TNFRSF21: variants seen among roughly 807,000 people sequenced by gnomAD.
TNFRSF21 encodes TNF receptor superfamily member 21.
A neutral mutation model predicts 45.6 loss-of-function variants in TNFRSF21; 19 were observed. The observed-to-expected ratio is 0.42, with a 90% CI of 0.29 to 0.61. TNFRSF21 has a LOEUF of 0.61. Ranked by LOEUF, TNFRSF21 falls within the 20% of genes least tolerant of loss-of-function variation. The pLI is 0.23. For synonymous variants in TNFRSF21, 314 were observed against 335.5 expected, an observed-to-expected ratio of 0.94 and a Z score of 0.70; for missense variants, 737 against 851.5, an observed-to-expected ratio of 0.87 and a Z score of 1.67.
chr6:47,280,131 G>A (rs2113861747), intron 3 of TNFRSF21, among the ~76,000 whole-genome samples: 1 of 152,278 alleles, frequency 6.6e-6, no homozygotes, highest in Non-Finnish European at 1.5e-5. Context: ...TTCAAAGTTT[G>A]GAGGATGTAT....
rs1259712206 is a variant in TNFRSF21 at position 47,232,392 on chromosome 6, C to CA, written c.*372dup. ...TCACAATCCAGTGTGTGGGAAAAGT[C>CA]ACACTGCATTTATGGTAAGTTAAGT... On this transcript the variant is annotated 3_prime_UTR_variant, in exon 6 of 6. Coordinates refer to ENST00000296861, the MANE Select transcript of TNFRSF21 (RefSeq NM_014452.5). 1 of 182,554 alleles carries CA rather than the reference C, an allele frequency of 5.5e-6. No individual in the cohort carries two copies. The highest frequency in any genetic ancestry group is 1.2e-5 in the Non-Finnish European group (1 of 86,888). 11.3% of individuals were successfully genotyped at this position (182,554 alleles called of 1,614,324 possible). A position where few individuals can be genotyped will look rare whatever the true frequency, so the allele number is the denominator to read the frequency against.
intron 3 of TNFRSF21, among the ~76,000 whole-genome samples, chr6:47,272,691 C>T (rs998301433): frequency 6.6e-6 from 1 of 152,066 alleles, no homozygotes; most frequent in African/African-American, 2.4e-5. Flanking sequence ...GAGATAAAGA[C>T]ACAAAGAACC....
chr6:47,245,143 T>C (rs1764804489), intron 4 of TNFRSF21, among the ~76,000 whole-genome samples: 1 of 152,180 alleles, frequency 6.6e-6, no homozygotes, highest in Admixed American at 6.5e-5. Context: ...AGACCCAGCC[T>C]TTTCTGAATG....
Position 47,286,264 on chromosome 6 carries a change from G to C in TNFRSF21, c.428C>G (p.Thr143Ser). 6.2e-7 allele frequency: 1 copy of C among 1,614,214 alleles called. No individual in the cohort carries two copies. The highest frequency in any genetic ancestry group is 1.1e-5 in the South Asian group (1 of 91,058). The change falls in exon 2 of 6, where the codon ACC becomes AGC. Residue 143 changes from threonine to serine, a missense_variant. Transcript: ENST00000296861. ...CPPGMFQSNA[T>S]CAPHTVCPVG... The stretch of plus-strand genomic sequence containing the variant: ...AGGACACACCGTATGGGGGGCACAG[G>C]TAGCGTTAGACTGGAACATGCCAGG...
rs546384499 is a variant in TNFRSF21, at chr6:47,267,920, T to C, written c.1244-14399A>G. 1.3e-4 allele frequency among the ~76,000 whole-genome samples: 20 copies of C among 152,318 alleles called. No homozygotes were observed. The East Asian group carries it at 3.7e-3, about 28-fold the overall frequency. Reference sequence around the variant, plus strand: ...TTTGAATATAAATATCTTGAATATGTCTCTCCATCAACCCCCACTCCTCAT... The same window carrying C: ...TTTGAATATAAATATCTTGAATATGCCTCTCCATCAACCCCCACTCCTCAT... On this transcript the variant is annotated intron_variant, in intron 3 of 5. Transcript: ENST00000296861.
chr6:47,272,757 G>A (rs1456514367), intron 3 of TNFRSF21, among the ~76,000 whole-genome samples: 5 of 151,878 alleles, frequency 3.3e-5, no homozygotes, highest in African/African-American at 9.7e-5. Flanking sequence ...AATAAAATTG[G>A]TAGACCATTA....
At chr6:47,308,663 G>A (rs990800876) in intron 1 of TNFRSF21, among the ~76,000 whole-genome samples, 38 of 152,370 alleles carry the variant, frequency 2.5e-4, no homozygotes, top group African/African-American at 8.9e-4. Context: ...CGGAAAGACT[G>A]TAGAAAATTC....
At chr6:47,294,801 A>T (rs745743747) in intron 1 of TNFRSF21, among the ~76,000 whole-genome samples, 1 of 152,064 alleles carries the variant, frequency 6.6e-6, no homozygotes, top group African/African-American at 2.4e-5. Context: ...AAAGTGCTGG[A>T]ATTATAGGCA....
At chr6:47,254,681 A>G (rs955089430) in intron 3 of TNFRSF21, among the ~76,000 whole-genome samples, 1 of 152,216 alleles carries the variant, frequency 6.6e-6, no homozygotes, top group Non-Finnish European at 1.5e-5. Context: ...CCTGAAGAAC[A>G]CCTAAGTTGT....
At position 47,286,479 on chromosome 6, in the gene TNFRSF21, T is replaced by A; in HGVS notation, c.213A>T (p.Pro71=). 1 of 1,614,254 alleles carries A rather than the reference T, an allele frequency of 6.2e-7. No homozygotes were observed. The highest frequency in any genetic ancestry group is 1.1e-5 in the South Asian group (1 of 91,086). Residue 71 remains proline, a synonymous_variant, in exon 2 of 6, where the codon CCA becomes CCT. Transcript: ENST00000296861. ...TGQVLTCDKC[P]AGTYVSEHCT... ...AATGCTCAGAGACATAGGTTCCTGC[T>A]GGACACTTGTCACAGGTTAGCACCT...
At chr6:47,284,550 G>A in intron 2 of TNFRSF21, 118 bp from the exon 3 acceptor site, 1 of 1,190,738 alleles carries the variant, frequency 8.4e-7, no homozygotes, top group Non-Finnish European at 1.1e-6. Flanking sequence ...GATGACCCTT[G>A]GGGCTTAAGA....
chr6:47,293,194 T>C (rs1475030030), intron 1 of TNFRSF21, among the ~76,000 whole-genome samples: 1 of 152,210 alleles, frequency 6.6e-6, no homozygotes, highest in Non-Finnish European at 1.5e-5. Flanking sequence ...TGTATATACT[T>C]ATCTTCCCAT....
At chr6:47,300,864 C>T (rs1394358353) in intron 1 of TNFRSF21, among the ~76,000 whole-genome samples, 2 of 152,072 alleles carry the variant, frequency 1.3e-5, no homozygotes, top group African/African-American at 4.8e-5. Context: ...TCTAGCAATG[C>T]CTGACATTTA....
Position 47,286,143 on chromosome 6 carries a change from C to T in TNFRSF21, c.549G>A (p.Val183=), listed in dbSNP as rs1179471035. Residue 183 remains valine (V), a synonymous_variant, in exon 2 of 6, where the codon GTG becomes GTA. Transcript: ENST00000296861. ...AGTCTGTGTATGCTTTGCATTTCAT[C>T]ACACTAGAAGGCACATCTGAGAAGG... The part of the protein sequence containing the change: ...RGTFSDVPSS[V]MKCKAYTDCL... The T allele has an allele frequency of 6.2e-7, 1 of 1,614,212 alleles. No homozygotes were observed.
At position 47,253,346 on chromosome 6, in the gene TNFRSF21, G is replaced by A; in HGVS notation, c.1419C>T (p.Ala473=). ...LQHWTIRGPE[A]SLAQLISALR... ...GGGCGCTAATTAGCTGGGCGAGGCT[G>A]GCCTCGGGGCCCCGGATGGTCCAGT... is the stretch of plus-strand genomic sequence containing the variant. The change falls in exon 4 of 6, where the codon GCC becomes GCT. Residue 473 remains alanine, a synonymous_variant. Coordinates refer to ENST00000296861, the MANE Select transcript of TNFRSF21 (RefSeq NM_014452.5). The A allele has an allele frequency of 6.2e-7, 1 of 1,614,066 alleles. No individual in the cohort carries two copies. The highest frequency in any genetic ancestry group is 1.3e-5 in the African/African-American group (1 of 75,046).
intron 3 of TNFRSF21, among the ~76,000 whole-genome samples, chr6:47,282,376 TTC>T (rs1462857235): frequency 4.2e-5 from 6 of 144,296 alleles, no homozygotes; most frequent in Non-Finnish European, 7.4e-5. Flanking sequence ...AAGAGCTAAA[TTC>T]TGTCTCAAAA....
chr6:47,287,060 C>T (rs1762660243), intron 1 of TNFRSF21, among the ~76,000 whole-genome samples: 1 of 152,068 alleles, frequency 6.6e-6, no homozygotes, highest in African/African-American at 2.4e-5. Flanking sequence ...TGCACACCTG[C>T]ATTTTTAGAG....
At chr6:47,240,636 C>A (rs1764730716) in intron 4 of TNFRSF21, among the ~76,000 whole-genome samples, 1 of 152,194 alleles carries the variant, frequency 6.6e-6, no homozygotes, top group Non-Finnish European at 1.5e-5. Context: ...ACCCTGTAAA[C>A]TGATTACAAG....
At chr6:47,251,914 T>C (rs1179187439) in intron 4 of TNFRSF21, among the ~76,000 whole-genome samples, 1 of 152,204 alleles carries the variant, frequency 6.6e-6, no homozygotes, top group Non-Finnish European at 1.5e-5. Context: ...TGTTTATCAC[T>C]TGGGTCTATT....
Sources: allele counts gnomAD v4.1 joint callset (sites outside exome capture counted in the v4.1 genomes callset), GRCh38; gene constraint gnomAD v4.1.1; transcripts MANE v1.5; gene names NCBI Gene and HGNC (gene_info 2026-07-23, HGNC 2026-07-21).